METAP1D: variants seen among roughly 807,000 people sequenced by gnomAD.
METAP1D encodes methionyl aminopeptidase type 1D, mitochondrial.
A neutral mutation model predicts 40.5 loss-of-function variants in METAP1D; 31 were observed. The ratio of observed to expected loss-of-function variants is 0.77; its 90% confidence interval spans 0.58 to 1.03. METAP1D has a LOEUF of 1.03. Ranked by LOEUF, METAP1D falls within the 50% of genes least tolerant of loss-of-function variation. The pLI is 0.00. For missense variants in METAP1D, 411 were observed against 420.7 expected (o/e 0.98, Z 0.20); for synonymous variants, 151 against 146.4 (o/e 1.03, Z -0.22).
intron 5 of METAP1D, 159 bp from the exon 6 acceptor site, chr2:172,070,748 G>A (rs1690400426): frequency 4.2e-6 from 2 of 479,590 alleles, no homozygotes; most frequent in South Asian, 1.1e-4. Context: ...ATTTCTGCAA[G>A]GTTTCAATAT....
chr2:172,011,968 G>A (rs537203245), intron 1 of METAP1D, among the ~76,000 whole-genome samples: 6 of 152,282 alleles, frequency 3.9e-5, no homozygotes, highest in Non-Finnish European at 5.9e-5. Context: ...ACAAGACAAC[G>A]TTTATTAAGT....
chr2:172,064,111 T>C (rs1270680825), intron 3 of METAP1D: 1 of 366,444 alleles, frequency 2.7e-6, no homozygotes, highest in Non-Finnish European at 4.5e-6. Context: ...ATTCTAGAGA[T>C]ACTTTGGTCT....
intron 1 of METAP1D, among the ~76,000 whole-genome samples, chr2:172,043,055 A>ATG (rs201513888): frequency 0.012 from 1,375 of 117,572 alleles, 126 homozygotes; most frequent in African/African-American, 0.034. Context: ...GTACACATAT[A>ATG]TGTGTATATA....
At chr2:172,040,712 G>A (rs984762856) in intron 1 of METAP1D, among the ~76,000 whole-genome samples, 2 of 148,744 alleles carry the variant, frequency 1.3e-5, no homozygotes, top group Non-Finnish European at 3.0e-5. Flanking sequence ...TATCGTAATC[G>A]ATTGTGCTAT....
rs1553488876 is a variant in METAP1D, at chr2:172,002,045, T to TG, written c.40+2037dup. Among the ~76,000 whole-genome samples the TG allele has an allele frequency of 1.9e-4, 11 of 59,252 alleles. No individual in the cohort carries two copies. The South Asian group carries it at 2.2e-3, about 12-fold the overall frequency. The allele number at this position is 59,252 out of a possible 152,430, so 38.9% of individuals were successfully genotyped here. A position where few individuals can be genotyped will look rare whatever the true frequency, so the allele number is the denominator to read the frequency against. ...CCAGGAGGCGGAGGTTGTAGTGAGCTGAAAAAAAAAAAAAAAAGATCTGGG... is the reference window on the plus strand; with the variant it reads ...CCAGGAGGCGGAGGTTGTAGTGAGCTGGAAAAAAAAAAAAAAAAGATCTGGG... On this transcript the variant is annotated intron_variant, in intron 1 of 9. Transcript: ENST00000315796.
chr2:172,073,269 A>G (rs1350749358), intron 6 of METAP1D, among the ~76,000 whole-genome samples: 2 of 152,220 alleles, frequency 1.3e-5, no homozygotes, highest in African/African-American at 4.8e-5. Context: ...ACCAACATGC[A>G]GGTGAACTCC....
At chr2:172,054,144 A>T (rs891146142) in intron 1 of METAP1D, among the ~76,000 whole-genome samples, 4 of 152,170 alleles carry the variant, frequency 2.6e-5, no homozygotes, top group Non-Finnish European at 4.4e-5. Context: ...AGGATGCATG[A>T]GCAGATAACA....
intron 1 of METAP1D, among the ~76,000 whole-genome samples, chr2:172,016,105 A>C (rs1688845714): frequency 6.8e-6 from 1 of 147,370 alleles, no homozygotes; most frequent in Non-Finnish European, 1.5e-5. Context: ...AAAAAAAAAA[A>C]AACAAAAAAA....
chr2:172,078,749 A>G (rs146171090), intron 7 of METAP1D, among the ~76,000 whole-genome samples: 16 of 152,224 alleles, frequency 1.1e-4, no homozygotes, highest in Non-Finnish European at 2.2e-4. Flanking sequence ...ACCTGGTGCC[A>G]ATGTCTGGAG....
chr2:172,043,655 C>A (rs1689670776), intron 1 of METAP1D, among the ~76,000 whole-genome samples: 1 of 133,358 alleles, frequency 7.5e-6, no homozygotes, highest in Non-Finnish European at 1.7e-5. Context: ...ATTGTAGCAA[C>A]CAAGGAGTTA....
At chr2:172,072,700 T>C (rs867642814) in intron 6 of METAP1D, among the ~76,000 whole-genome samples, 1 of 152,198 alleles carries the variant, frequency 6.6e-6, no homozygotes, top group Non-Finnish European at 1.5e-5. Flanking sequence ...TTTTACTCTC[T>C]GTACTTTCTT....
At chr2:172,016,381 G>C (rs1470858266) in intron 1 of METAP1D, among the ~76,000 whole-genome samples, 1 of 141,954 alleles carries the variant, frequency 7.0e-6, no homozygotes, top group Non-Finnish European at 1.5e-5. Context: ...ACTTTGGAAG[G>C]CCAAGGCAGG....
chr2:172,054,246 G>C (rs1689949336), intron 1 of METAP1D, among the ~76,000 whole-genome samples: 2 of 152,118 alleles, frequency 1.3e-5, no homozygotes, highest in Admixed American at 6.6e-5. Flanking sequence ...TCCTGGCCAG[G>C]CACGGTGGCT....
chr2:172,046,422 A>C (rs1689766967), intron 1 of METAP1D, among the ~76,000 whole-genome samples: 1 of 152,236 alleles, frequency 6.6e-6, no homozygotes. Context: ...TGAACTACAA[A>C]ATAATGTTTT....
Position 172,066,225 on chromosome 2 carries a change from ATCTG to A in METAP1D, c.498-35_498-32del, listed in dbSNP as rs199772179. ...TTATTTTTATTTTCCTTTTATTGAGATCTGTCTATCACCATTTTTTTTTCTGTTT... is the reference window on the plus strand; with the variant it reads ...TTATTTTTATTTTCCTTTTATTGAGATCTATCACCATTTTTTTTTCTGTTT... On this transcript the variant is annotated intron_variant, in intron 4 of 9. Coordinates refer to ENST00000315796, the MANE Select transcript of METAP1D (RefSeq NM_199227.3). The A allele has an allele frequency of 1.5e-3, 2,333 of 1,551,724 alleles. 25 individuals carry two copies. The East Asian group carries it at 0.021, about 14-fold the overall frequency.
chr2:172,041,935 G>A (rs1689543282), intron 1 of METAP1D, among the ~76,000 whole-genome samples: 1 of 118,658 alleles, frequency 8.4e-6, no homozygotes, highest in African/African-American at 2.8e-5. Context: ...CCAGTAGCTG[G>A]GATTACAGGT....
In METAP1D at chr2:172,042,899, A is replaced by G. The variant is rs1311769612; in HGVS notation, c.41-18599A>G. On this transcript the variant is annotated intron_variant, in intron 1 of 9. Transcript: ENST00000315796. ...TGTGTAAATATGTACATATATGTGTATGTGTACATATGTATACATATATGC... is the reference window on the plus strand; with the variant it reads ...TGTGTAAATATGTACATATATGTGTGTGTGTACATATGTATACATATATGC... Among the ~76,000 whole-genome samples, 2 of 127,694 alleles carry G rather than the reference A, an allele frequency of 1.6e-5. 1 individual carries two copies. Among genetic ancestry groups the G allele is most frequent in the Non-Finnish European group, 3.6e-5 (2 of 54,812 alleles). The allele number at this position is 127,694 out of a possible 152,430, so 83.8% of individuals were successfully genotyped here.
chr2:172,063,699 T>G lies in METAP1D; in HGVS notation c.199-12T>G. 6.2e-7 allele frequency: 1 copy of G among 1,601,360 alleles called. No homozygotes were observed. Among genetic ancestry groups the G allele is most frequent in the Non-Finnish European group, 8.5e-7 (1 of 1,169,704 alleles). ...GGGTTCTGATCTTCGTTTTCAATCC[T>G]TTTTCCTCAAGCACATAAAGAAGCC... is the stretch of plus-strand genomic sequence containing the variant. On this transcript the variant is annotated splice_polypyrimidine_tract_variant and intron_variant, in intron 2 of 9. Transcript: ENST00000315796.
intron 4 of METAP1D, 77 bp downstream of exon 4, chr2:172,065,829 A>C (rs370451011): frequency 6.9e-7 from 1 of 1,441,312 alleles, no homozygotes; most frequent in Non-Finnish European, 9.4e-7. Context: ...ATGTTGAAAG[A>C]CACTATCATT....
Sources: allele counts gnomAD v4.1 joint callset (sites outside exome capture counted in the v4.1 genomes callset), GRCh38; gene constraint gnomAD v4.1.1; transcripts MANE v1.5; gene names NCBI Gene and HGNC (gene_info 2026-07-23, HGNC 2026-07-21).